TSC2: variants seen among roughly 807,000 people sequenced by gnomAD.
TSC2 encodes tuberin.
A neutral mutation model predicts 202.2 loss-of-function variants in TSC2; 29 were observed. That is an observed-to-expected ratio of 0.14 (90% CI 0.11 to 0.20). The LOEUF (loss-of-function observed/expected upper bound fraction) is 0.20. TSC2 is among the 10% of genes least tolerant of loss of function. TSC2 has a pLI of 1.00. For missense variants in TSC2, 2,429 were observed against 2,420.0 expected, an observed-to-expected ratio of 1.00 and a Z score of -0.08; for synonymous variants, 1,349 against 1,044.0, an observed-to-expected ratio of 1.29 and a Z score of -5.63.
chr16:2,058,996 C>T lies in TSC2; in HGVS notation c.975+123C>T, dbSNP rs1050839093. 2.6e-5 allele frequency: 39 copies of T among 1,485,024 alleles called. 1 individual carries two copies. Among genetic ancestry groups the T allele is most frequent in the Middle Eastern group, 3.7e-4 (2 of 5,336 alleles). The allele number at this position is 1,485,024 out of a possible 1,614,324, so 92.0% of individuals were successfully genotyped here. On this transcript the variant is annotated intron_variant, in intron 10 of 41. Coordinates refer to ENST00000219476, the MANE Select transcript of TSC2 (RefSeq NM_000548.5). ...GGTGGCATTTCTAGGCCTTTCCAGG[C>T]AGTTGCTTTGCAGCTGGGGGTGAGG... is the stretch of plus-strand genomic sequence containing the variant.
intron 16 of TSC2, among the ~76,000 whole-genome samples, chr16:2,067,307 A>G (rs1055134353): frequency 2.0e-5 from 3 of 152,038 alleles, no homozygotes; most frequent in African/African-American, 7.2e-5. Flanking sequence ...GACCATAGGC[A>G]CACGTCACCA....
At chr16:2,084,893 GC>G in intron 34 of TSC2, 57 bp from the exon 35 acceptor site, 1 of 1,608,948 alleles carries the variant, frequency 6.2e-7, no homozygotes, top group South Asian at 1.1e-5. Flanking sequence ...CTCCCTGTGG[GC>G]TGTGGCTGCC....
At chr16:2,054,227 C>T (rs2085487592) in intron 4 of TSC2, 69 bp from the exon 5 acceptor site, 1 of 1,612,278 alleles carries the variant, frequency 6.2e-7, no homozygotes, top group Non-Finnish European at 8.5e-7. Flanking sequence ...CCCTGCACTT[C>T]AGGGACTTCT....
Position 2,088,299 on chromosome 16 carries a change from C to A in TSC2, c.5233C>A (p.Arg1745Ser), listed in dbSNP as rs760413281. 6.2e-7 allele frequency: 1 copy of A among 1,612,724 alleles called. No homozygotes were observed. The highest frequency in any genetic ancestry group is 8.5e-7 in the Non-Finnish European group (1 of 1,179,922). The change falls in exon 41 of 42, where the codon CGC (arginine) becomes AGC (serine). Residue 1745 changes from arginine (R) to serine (S), a missense_variant. By Grantham distance (110) the Arg-to-Ser change is moderately radical. Transcript: ENST00000219476. ...IYPSKWIARL[R>S]HIKRLRQRIC... The stretch of plus-strand genomic sequence containing the variant: ...CCCCTCCAAGTGGATTGCCCGGCTC[C>A]GCCACATCAAGCGGCTCCGCCAGCG...
chr16:2,065,130 A>T (rs1199003551), intron 15 of TSC2: 2 of 197,366 alleles, frequency 1.0e-5, no homozygotes, highest in Admixed American at 1.1e-4. Flanking sequence ...AAAAAAAAAA[A>T]GGGCCGGGCA....
Position 2,060,842 on chromosome 16 carries a change from C to T in TSC2, c.1119+29C>T, listed in dbSNP as rs1214656626. The T allele has an allele frequency of 3.1e-6, 5 of 1,611,006 alleles. No individual in the cohort carries two copies. The African/African-American group carries it at 5.3e-5, about 17-fold the overall frequency. ...GGGTGGGGGCAGGAGCTCCGGGGAGCACCGGGAACCCAGACAGGCAGGCTC... is the reference window on the plus strand; with the variant it reads ...GGGTGGGGGCAGGAGCTCCGGGGAGTACCGGGAACCCAGACAGGCAGGCTC... On this transcript the variant is annotated intron_variant, in intron 11 of 41. Transcript: ENST00000219476.
At chr16:2,081,532 G>T in intron 30 of TSC2, 63 bp from the exon 31 acceptor site, 1 of 1,599,480 alleles carries the variant, frequency 6.3e-7, no homozygotes, top group Non-Finnish European at 8.6e-7. Context: ...GAGGCCCCTG[G>T]GGGGCCAGAG....
At chr16:2,061,113 G>A (rs1306598096) in intron 11 of TSC2, 25 of 450,724 alleles carry the variant, frequency 5.5e-5, no homozygotes, top group Middle Eastern at 1.3e-3. Context: ...GCCTGAGTGG[G>A]CCCCGGCACA....
chr16:2,066,840 T>G (rs1210644179), intron 16 of TSC2, among the ~76,000 whole-genome samples: 1 of 151,944 alleles, frequency 6.6e-6, no homozygotes, highest in African/African-American at 2.4e-5. Flanking sequence ...TTTTGTATTA[T>G]TAGTAGAAAC....
At chr16:2,073,049 G>A (rs1433656767) in intron 21 of TSC2, 66 bp downstream of exon 21, 2 of 1,609,288 alleles carry the variant, frequency 1.2e-6, no homozygotes, top group African/African-American at 2.7e-5. Flanking sequence ...GGCCCAGGTA[G>A]GCCCCACATT....
In TSC2 at chr16:2,074,748, C is replaced by T. The variant is rs1567477638; in HGVS notation, c.2545+359C>T. 3 of 390,642 alleles carry T rather than the reference C, an allele frequency of 7.7e-6. No homozygotes were observed. The East Asian group carries it at 1.7e-4, about 22-fold the overall frequency. The allele number at this position is 390,642 out of a possible 1,614,324, so 24.2% of individuals were successfully genotyped here. On this transcript the variant is annotated intron_variant, in intron 22 of 41. Transcript: ENST00000219476. ...ACTGTGACTTCAGGAGCTCAGGTGC[C>T]TGTCCCTTCCCCTCACCGCCTGTGC...
rs756679047 is a variant in TSC2 at position 2,079,063 on chromosome 16, T to C, written c.2998T>C (p.Leu1000=). Residue 1000 remains leucine (L), a synonymous_variant, in exon 27 of 42, where the codon TTG becomes CTG. Coordinates refer to ENST00000219476, the MANE Select transcript of TSC2 (RefSeq NM_000548.5). The surrounding 1 kb of genome is among the most constrained non-coding windows in gnomAD (Gnocchi z 4.6). ...RIQTSLTSAS[L]GSADENSVAQ... is the part of the protein sequence containing the mutation. ...ACAGACGTCCCTCACCAGTGCCAGCTTGGGGTCTGCAGATGAGAACTCCGT... is the reference window on the plus strand; with the variant it reads ...ACAGACGTCCCTCACCAGTGCCAGCCTGGGGTCTGCAGATGAGAACTCCGT... 6.2e-6 allele frequency: 10 copies of C among 1,612,786 alleles called. No individual in the cohort carries two copies. The South Asian group carries it at 6.6e-5, about 11-fold the overall frequency.
intron 22 of TSC2, chr16:2,074,773 C>G: frequency 2.9e-6 from 1 of 350,064 alleles, no homozygotes; most frequent in East Asian, 6.5e-5. Context: ...ACCGCCTGTG[C>G]GCATCTGGGC....
At position 2,088,603 on chromosome 16, in the gene TSC2, TTGTG is replaced by T. The variant is rs137854027; in HGVS notation, c.5420_5423del (p.Val1807GlufsTer18). On this transcript the variant is annotated frameshift_variant, in exon 42 of 42. Transcript: ENST00000219476. LOFTEE classifies it high-confidence loss of function. ...TCCTCGGTGGAGGACTTCACCGAGT[TTGTG>T]TGAGGCCGGGGCCCTCCCTCCTGCA... is the stretch of plus-strand genomic sequence containing the variant. The T allele has an allele frequency of 6.2e-7, 1 of 1,603,880 alleles. No homozygotes were observed. The highest frequency in any genetic ancestry group is 8.5e-7 in the Non-Finnish European group (1 of 1,179,674).
intron 17 of TSC2, 107 bp downstream of exon 17, chr16:2,070,685 C>G: frequency 6.5e-7 from 1 of 1,548,384 alleles, no homozygotes; most frequent in Non-Finnish European, 8.7e-7. Flanking sequence ...AGGATGGGGC[C>G]TCAGCTGACC....
intron 30 of TSC2, chr16:2,081,288 C>T (rs9926128): frequency 0.073 from 32,234 of 443,658 alleles, 8,056 homozygotes; most frequent in African/African-American, 0.55. Context: ...CTGGGTGTGC[C>T]GTGGCTGAGG....
At chr16:2,064,862 C>T (rs2087103307) in intron 15 of TSC2, 1 of 259,306 alleles carries the variant, frequency 3.9e-6, no homozygotes, top group Non-Finnish European at 7.6e-6. Flanking sequence ...GCCTGTAATC[C>T]CAGCATTTTG....
chr16:2,054,195 T>C (rs2085483496), intron 4 of TSC2, 101 bp from the exon 5 acceptor site: 1 of 1,586,364 alleles, frequency 6.3e-7, no homozygotes, highest in Admixed American at 1.7e-5. Context: ...AGGAGAGGGG[T>C]CCAGGGCTGG....
At chr16:2,070,116 C>G (rs539267252) in intron 16 of TSC2, among the ~76,000 whole-genome samples, 234 of 152,186 alleles carry the variant, frequency 1.5e-3, no homozygotes, top group Non-Finnish European at 2.5e-3. Flanking sequence ...TGGGAGGTGC[C>G]CTTGACCTTT....
Sources: gnomAD v4.1 joint callset for allele counts (sites outside exome capture counted in the v4.1 genomes callset) on GRCh38, gnomAD v4.1.1 for gene constraint, Gnocchi (gnomAD v3.1) non-coding constraint, MANE v1.5 for transcripts, NCBI Gene and HGNC (gene_info 2026-07-23, HGNC 2026-07-21) for gene names.